Variants in PAM observed in about 807,000 individuals in gnomAD.
PAM encodes the protein peptidylglycine alpha-amidating monooxygenase.
Under a neutral mutation model 122.1 loss-of-function variants are expected in PAM, and 72 were observed. The observed-to-expected ratio is 0.59, with a 90% CI of 0.49 to 0.72. The LOEUF (loss-of-function observed/expected upper bound fraction) is 0.72. PAM is among the 30% of genes least tolerant of loss of function. The pLI, the probability that PAM is intolerant of heterozygous loss-of-function variation, is 0.00. For missense variants in PAM, 1,106 were observed against 1,183.7 expected (o/e 0.93, Z 0.96); for synonymous variants, 389 against 404.4 (o/e 0.96, Z 0.46).
chr5:102,891,020 A>C (rs993415429), intron 3 of PAM, among the ~76,000 whole-genome samples: 17 of 151,962 alleles, frequency 1.1e-4, no homozygotes, highest in African/African-American at 4.1e-4. Flanking sequence ...CAGTGGGATA[A>C]ATTTAGTTTG....
chr5:103,027,780 TTAA>T (rs1481305751), intron 24 of PAM, among the ~76,000 whole-genome samples: 7 of 152,182 alleles, frequency 4.6e-5, no homozygotes, highest in Non-Finnish European at 8.8e-5. Context: ...TTATAAATTA[TTAA>T]TAACATTTCC....
chr5:102,888,244 A>G (rs1310927682), intron 3 of PAM, among the ~76,000 whole-genome samples: 4 of 151,764 alleles, frequency 2.6e-5, no homozygotes, highest in Non-Finnish European at 4.4e-5. Flanking sequence ...CTACTCTCCA[A>G]TTATAGACTT....
intron 1 of PAM, among the ~76,000 whole-genome samples, chr5:102,846,526 G>T (rs1580867771): frequency 6.6e-6 from 1 of 152,062 alleles, no homozygotes; most frequent in Admixed American, 6.6e-5. Flanking sequence ...CTCAGATACA[G>T]CTTCCTCCTG....
At position 102,885,094 on chromosome 5, in the gene PAM, T is replaced by TATATATATATATATATATATAA. The variant is rs60241746; in HGVS notation, c.211-16261_211-16260insTATATATATATATATATATAAA. ...CTTGTTTAATAACTATATATATATA[T>TATATATATATATATATATATAA]AACTATAAAAGCTTTACTTGATTAT... On this transcript the variant is annotated intron_variant, in intron 3 of 25. Transcript: ENST00000438793. Among the ~76,000 whole-genome samples, 1,306 of 147,738 alleles carry TATATATATATATATATATATAA rather than the reference T, an allele frequency of 8.8e-3. 30 individuals carry two copies. The highest frequency in any genetic ancestry group is 0.025 in the African/African-American group (941 of 38,258).
intron 1 of PAM, among the ~76,000 whole-genome samples, chr5:102,841,327 C>T (rs1778547410): frequency 6.6e-6 from 1 of 151,606 alleles, no homozygotes. Flanking sequence ...TAATAGCATC[C>T]TGTTTATATA....
At chr5:102,942,017 G>A (rs1162618261) in intron 7 of PAM, among the ~76,000 whole-genome samples, 1 of 151,812 alleles carries the variant, frequency 6.6e-6, no homozygotes, top group East Asian at 1.9e-4. Flanking sequence ...AGTTTCAGTT[G>A]CACAGAAATG....
At chr5:102,954,398 G>A (rs887036835) in intron 12 of PAM, among the ~76,000 whole-genome samples, 2 of 151,682 alleles carry the variant, frequency 1.3e-5, no homozygotes, top group African/African-American at 2.4e-5. Flanking sequence ...GAGAACATAT[G>A]ATTAAGTGCT....
At chr5:102,856,982 G>A (rs1581000669) in intron 1 of PAM, among the ~76,000 whole-genome samples, 1 of 152,186 alleles carries the variant, frequency 6.6e-6, no homozygotes, top group East Asian at 1.9e-4. Context: ...ACAGCAACTT[G>A]GTACACCTAA....
chr5:102,834,073 T>C (rs73189048), intron 1 of PAM, among the ~76,000 whole-genome samples: 2,186 of 152,288 alleles, frequency 0.014, 43 homozygotes, highest in African/African-American at 0.05. Context: ...CCTCCATTGA[T>C]ATTTGGTCAC....
intron 4 of PAM, among the ~76,000 whole-genome samples, chr5:102,907,897 A>G (rs1284678322): frequency 6.6e-6 from 1 of 151,792 alleles, no homozygotes; most frequent in Non-Finnish European, 1.5e-5. Context: ...AGTAGGTTGC[A>G]AAAATTTTCT....
At chr5:102,922,229 GGAGA>G (rs1366923243) in intron 5 of PAM, among the ~76,000 whole-genome samples, 1 of 152,022 alleles carries the variant, frequency 6.6e-6, no homozygotes. Context: ...CAGTCTGGGT[GGAGA>G]GAGAGAAGTA....
intron 3 of PAM, among the ~76,000 whole-genome samples, chr5:102,885,827 T>C (rs1792897844): frequency 6.6e-6 from 1 of 152,012 alleles, no homozygotes; most frequent in Non-Finnish European, 1.5e-5. Context: ...AGGGAACTTC[T>C]AGTCCTTCAG....
chr5:103,011,796 G>C (rs1277983890), intron 21 of PAM, among the ~76,000 whole-genome samples: 1 of 151,174 alleles, frequency 6.6e-6, no homozygotes, highest in Non-Finnish European at 1.5e-5. Context: ...GGGATTTCTG[G>C]CTTGTATGAT....
chr5:102,915,867 C>T (rs956354311), intron 5 of PAM, among the ~76,000 whole-genome samples: 1 of 151,978 alleles, frequency 6.6e-6, no homozygotes, highest in East Asian at 1.9e-4. Context: ...CTCATTTTGG[C>T]CCCTTTAAAA....
intron 3 of PAM, among the ~76,000 whole-genome samples, chr5:102,868,339 C>G (rs1786244146): frequency 1.3e-5 from 2 of 152,132 alleles, no homozygotes; most frequent in African/African-American, 4.8e-5. Context: ...CAATTGACAT[C>G]CAGAAGCTTT....
intron 14 of PAM, among the ~76,000 whole-genome samples, chr5:102,965,997 A>G (rs542696759): frequency 6.6e-6 from 1 of 152,156 alleles, no homozygotes; most frequent in South Asian, 2.1e-4. Flanking sequence ...GCTAAAATTT[A>G]TATTTCATTG....
intron 16 of PAM, among the ~76,000 whole-genome samples, chr5:102,993,629 T>C (rs1026916659): frequency 7.9e-5 from 12 of 152,138 alleles, no homozygotes; most frequent in African/African-American, 2.4e-4. Context: ...TAGGAAAAGA[T>C]AAAATTAGTT....
chr5:102,966,288 A>T (rs1284457420), intron 14 of PAM, among the ~76,000 whole-genome samples: 4 of 152,120 alleles, frequency 2.6e-5, no homozygotes, highest in African/African-American at 4.8e-5. Context: ...TGGTTTCCTA[A>T]TAACGGAATA....
At chr5:102,949,697 G>A in intron 10 of PAM, 80 bp downstream of exon 10, 3 of 809,354 alleles carry the variant, frequency 3.7e-6, no homozygotes, top group Non-Finnish European at 6.5e-6. Flanking sequence ...AATTGTGTTT[G>A]ACCTTAAGTC....
Sources: allele counts gnomAD v4.1 joint callset (sites outside exome capture counted in the v4.1 genomes callset), GRCh38; gene constraint gnomAD v4.1.1; transcripts MANE v1.5; gene names NCBI Gene and HGNC (gene_info 2026-07-23, HGNC 2026-07-21).